KDM6A: variants seen among roughly 807,000 people sequenced by gnomAD.
KDM6A encodes the protein lysine-specific demethylase 6A.
In KDM6A, 11 loss-of-function variants were observed where a neutral mutation model predicts 117.6. That is an observed-to-expected ratio of 0.09 (90% CI 0.06 to 0.15). The LOEUF is 0.15. Among genes scored for constraint, KDM6A ranks in the 10% least tolerant of loss-of-function variants. KDM6A has a pLI of 1.00. For missense variants in KDM6A, 799 were observed against 1,077.3 expected, an observed-to-expected ratio of 0.74 and a Z score of 3.62; for synonymous variants, 384 against 396.1, an observed-to-expected ratio of 0.97 and a Z score of 0.36.
At chrX:44,876,985 G>GTATACGCATACGTATATACACTCA (rs2031674431) in intron 2 of KDM6A, among the ~76,000 whole-genome samples, 1 of 109,499 alleles carries the variant, frequency 9.1e-6, no homozygotes, top group Non-Finnish European at 1.9e-5. Flanking sequence ...GTATATACAC[G>GTATACGCATACGTATATACACTCA]TATACGCATA....
At chrX:45,097,930 ATTATC>A (rs1055519400) in intron 27 of KDM6A, among the ~76,000 whole-genome samples, 2 of 112,171 alleles carry the variant, frequency 1.8e-5, no homozygotes, top group African/African-American at 6.5e-5. Flanking sequence ...AAGAATATAT[ATTATC>A]TTGATTACTT....
intron 27 of KDM6A, among the ~76,000 whole-genome samples, chrX:45,100,106 A>G (rs184020220): frequency 8.1e-5 from 9 of 111,339 alleles, no homozygotes; most frequent in Admixed American, 1.9e-4. Context: ...ACTTTGGGTT[A>G]TATTTTATTT....
At chrX:44,964,312 GGTGGTGT>G in intron 3 of KDM6A, among the ~76,000 whole-genome samples, 1 of 107,658 alleles carries the variant, frequency 9.3e-6, no homozygotes, top group East Asian at 3.0e-4. Context: ...GGCTGGGTGC[GGTGGTGT>G]GTGCCTGTAT....
chrX:44,941,566 C>T (rs2037324749), intron 2 of KDM6A, among the ~76,000 whole-genome samples: 3 of 107,415 alleles, frequency 2.8e-5, no homozygotes, highest in African/African-American at 6.8e-5. Flanking sequence ...CTGCAAGCTC[C>T]GCCTCCCGGG....
intron 2 of KDM6A, among the ~76,000 whole-genome samples, chrX:44,953,429 A>T (rs747426954): frequency 1.5e-4 from 17 of 112,239 alleles, no homozygotes; most frequent in African/African-American, 5.5e-4. Flanking sequence ...AATTAAATTT[A>T]CGGGTTCTAT....
chrX:44,969,141 T>C (rs1178408714), intron 3 of KDM6A, among the ~76,000 whole-genome samples: 1 of 110,899 alleles, frequency 9.0e-6, no homozygotes, highest in African/African-American at 3.3e-5. Flanking sequence ...ACCTTGAAAC[T>C]CTTAAAAATT....
intron 2 of KDM6A, among the ~76,000 whole-genome samples, chrX:44,892,489 C>A (rs2033447540): frequency 1.9e-5 from 2 of 107,019 alleles, no homozygotes; most frequent in Non-Finnish European, 3.8e-5. Flanking sequence ...GAGATCGAGA[C>A]CATCCTGGCA....
At position 44,898,205 on chromosome X, in the gene KDM6A, G is replaced by A. The variant is rs188403097; in HGVS notation, c.225+24218G>A. Among the ~76,000 whole-genome samples, 5 of 111,891 alleles carry A rather than the reference G, an allele frequency of 4.5e-5. No homozygotes were observed. In the East Asian group the frequency reaches 1.4e-3, roughly 32 times the overall value. Reference sequence around the variant, plus strand: ...ACTGATGCTGCAGGGTGAAGAAAAAGCTCCTTACCTCATACCACTTCCCCT... The same window carrying A: ...ACTGATGCTGCAGGGTGAAGAAAAAACTCCTTACCTCATACCACTTCCCCT... On this transcript the variant is annotated intron_variant, in intron 2 of 29. Coordinates refer to ENST00000611820, the MANE Select transcript of KDM6A (RefSeq NM_001291415.2).
At chrX:44,894,715 A>G (rs1418910094) in intron 2 of KDM6A, among the ~76,000 whole-genome samples, 3 of 106,440 alleles carry the variant, frequency 2.8e-5, no homozygotes, top group Admixed American at 1.0e-4. Flanking sequence ...TCCTGGGTTC[A>G]AGTGATTCTC....
intron 4 of KDM6A, among the ~76,000 whole-genome samples, chrX:45,003,717 TTCTCTCTTTGACTGTC>T (rs1404710320): frequency 9.1e-6 from 1 of 109,899 alleles, no homozygotes; most frequent in Non-Finnish European, 1.9e-5. Flanking sequence ...CTCTCTTTCT[TTCTCTCTTTGACTGTC>T]TCTCTCTTTG....
intron 2 of KDM6A, among the ~76,000 whole-genome samples, chrX:44,928,684 G>A (rs1009274514): frequency 3.6e-5 from 4 of 110,734 alleles, no homozygotes; most frequent in Non-Finnish European, 7.6e-5. Context: ...TTGTTTTTTT[G>A]TTTCACATTA....
intron 2 of KDM6A, among the ~76,000 whole-genome samples, chrX:44,927,208 A>G (rs1389660834): frequency 1.8e-5 from 2 of 111,042 alleles, no homozygotes; most frequent in Non-Finnish European, 3.8e-5. Context: ...TAGAGTCAAA[A>G]AAATCCTATA....
intron 2 of KDM6A, among the ~76,000 whole-genome samples, chrX:44,877,906 A>T (rs144238016): frequency 0.038 from 4,273 of 111,395 alleles, 221 homozygotes; most frequent in African/African-American, 0.13. Context: ...TTGATAATAG[A>T]AGTAGTTTAA....
chrX:44,947,504 T>C (rs763713662), intron 2 of KDM6A, among the ~76,000 whole-genome samples: 2 of 107,886 alleles, frequency 1.9e-5, no homozygotes, highest in Non-Finnish European at 3.8e-5. Context: ...GCCTCCAGAG[T>C]AGCTGGGACT....
At chrX:44,976,083 A>G (rs1203743900) in intron 4 of KDM6A, among the ~76,000 whole-genome samples, 1 of 111,696 alleles carries the variant, frequency 9.0e-6, no homozygotes, top group Non-Finnish European at 1.9e-5. Flanking sequence ...TGCATGCCTA[A>G]TTCTTCCTAG....
chrX:45,075,956 T>C (rs5952674), intron 18 of KDM6A, among the ~76,000 whole-genome samples: 18,992 of 110,847 alleles, frequency 0.17, 2,350 homozygotes, highest in African/African-American at 0.44. Flanking sequence ...CAAAATTATT[T>C]CTTGTTGATT....
intron 3 of KDM6A, among the ~76,000 whole-genome samples, chrX:44,973,363 ATCT>A (rs1331135561): frequency 1.7e-4 from 19 of 111,148 alleles, no homozygotes; most frequent in Non-Finnish European, 3.0e-4. Context: ...AATAAACCAT[ATCT>A]TCTTCTTTCT....
intron 2 of KDM6A, among the ~76,000 whole-genome samples, chrX:44,953,013 C>T (rs1415832153): frequency 9.0e-6 from 1 of 110,945 alleles, no homozygotes; most frequent in Non-Finnish European, 1.9e-5. Context: ...AGTAATCCCC[C>T]CACCTCAGCC....
chrX:45,010,826 G>A, intron 4 of KDM6A, 135 bp from the exon 5 acceptor site: 1 of 465,665 alleles, frequency 2.1e-6, no homozygotes, highest in East Asian at 3.8e-5. Flanking sequence ...TTATTTTGGT[G>A]TTTTAAAAAT....
Sources: gnomAD v4.1 joint callset for allele counts (sites outside exome capture counted in the v4.1 genomes callset) on GRCh38, gnomAD v4.1.1 for gene constraint, MANE v1.5 for transcripts, NCBI Gene and HGNC (gene_info 2026-07-23, HGNC 2026-07-21) for gene names.